ANKRD11: variants seen among roughly 807,000 people sequenced by gnomAD.
ANKRD11 encodes the protein ankyrin repeat domain-containing protein 11.
Under a neutral mutation model 195.7 loss-of-function variants are expected in ANKRD11, and 17 were observed. The ratio of observed to expected loss-of-function variants is 0.09; its 90% confidence interval spans 0.06 to 0.13. The LOEUF is 0.13. ANKRD11 is among the 10% of genes least tolerant of loss of function. ANKRD11 has a pLI of 1.00. For synonymous variants in ANKRD11, 1,953 were observed against 1,528.1 expected (o/e 1.28, Z -6.49); for missense variants, 3,735 against 3,566.1 (o/e 1.05, Z -1.21).
chr16:89,323,362 C>A (rs1483768864), intron 2 of ANKRD11: 7 of 1,287,028 alleles, frequency 5.4e-6, no homozygotes, highest in Non-Finnish European at 7.1e-6. Context: ...ACTGGCCTCT[C>A]ACCTCTCACC....
At chr16:89,352,200 T>C (rs1188123930) in intron 2 of ANKRD11, among the ~76,000 whole-genome samples, 1 of 152,052 alleles carries the variant, frequency 6.6e-6, no homozygotes, top group Non-Finnish European at 1.5e-5. Flanking sequence ...GATTATCTTC[T>C]TTGAAAAGCA....
Position 89,474,618 on chromosome 16 carries a change from T to C in ANKRD11, c.-145+15627A>G, listed in dbSNP as rs2057195691. ...ACTCTTCAGAACTCCAAATGCTCTT[T>C]CCAACCTACCACCAACACACATGAT... On this transcript the variant is annotated intron_variant, in intron 1 of 12. Transcript: ENST00000301030. Among the ~76,000 whole-genome samples the C allele has an allele frequency of 3.3e-5, 5 of 152,152 alleles. No homozygotes were observed. The South Asian group carries it at 1.0e-3, about 31-fold the overall frequency.
At chr16:89,360,406 C>A (rs1416701666) in intron 2 of ANKRD11, 1 of 152,180 alleles carries the variant, frequency 6.6e-6, no homozygotes, top group Non-Finnish European at 1.5e-5. Flanking sequence ...TTTCCATCTT[C>A]ATCACTTGAT....
chr16:89,304,086 C>T (rs539787765), intron 4 of ANKRD11, among the ~76,000 whole-genome samples: 1 of 152,342 alleles, frequency 6.6e-6, no homozygotes, highest in Non-Finnish European at 1.5e-5. Flanking sequence ...TGTAGAGAAG[C>T]TGGATGACCA....
chr16:89,318,443 C>T (rs2037097552), intron 2 of ANKRD11, among the ~76,000 whole-genome samples: 1 of 152,264 alleles, frequency 6.6e-6, no homozygotes, highest in Non-Finnish European at 1.5e-5. Flanking sequence ...GCCCTTTCCG[C>T]CACAGCAGCA....
intron 4 of ANKRD11, among the ~76,000 whole-genome samples, chr16:89,304,589 T>C (rs997780993): frequency 5.4e-5 from 7 of 129,140 alleles, no homozygotes; most frequent in African/African-American, 2.1e-4. Flanking sequence ...TACAAGTACA[T>C]ACACACACGG....
At chr16:89,425,469 A>C (rs889477254) in intron 1 of ANKRD11, among the ~76,000 whole-genome samples, 3 of 152,216 alleles carry the variant, frequency 2.0e-5, no homozygotes, top group African/African-American at 7.2e-5. Flanking sequence ...TTTAGTTCTC[A>C]ATCAAAAAAA....
intron 1 of ANKRD11, among the ~76,000 whole-genome samples, chr16:89,453,913 C>G (rs944331149): frequency 1.3e-5 from 2 of 152,174 alleles, no homozygotes; most frequent in Admixed American, 1.3e-4. Flanking sequence ...GGCAAGTGGC[C>G]CAACTTCCTT....
chr16:89,428,088 A>G (rs763689918), intron 1 of ANKRD11, among the ~76,000 whole-genome samples: 1 of 151,150 alleles, frequency 6.6e-6, no homozygotes, highest in Admixed American at 6.6e-5. Context: ...CGCGCCTGTA[A>G]TCCCAGCTAC....
chr16:89,388,110 G>A (rs2041005737), intron 2 of ANKRD11, among the ~76,000 whole-genome samples: 1 of 151,730 alleles, frequency 6.6e-6, no homozygotes, highest in African/African-American at 2.4e-5. Context: ...TCCCTGTACA[G>A]CCTTACCCAG....
chr16:89,419,700 C>T (rs965567250), intron 1 of ANKRD11, among the ~76,000 whole-genome samples: 1 of 152,208 alleles, frequency 6.6e-6, no homozygotes, highest in Non-Finnish European at 1.5e-5. Context: ...GGTTCCCCGG[C>T]TCTGCACTTA....
chr16:89,384,719 A>C (rs2040820215), intron 2 of ANKRD11, among the ~76,000 whole-genome samples: 1 of 152,044 alleles, frequency 6.6e-6, no homozygotes, highest in Non-Finnish European at 1.5e-5. Flanking sequence ...CTTTTACCTC[A>C]ATCAGGTGGC....
At chr16:89,428,133 A>G (rs906329496) in intron 1 of ANKRD11, among the ~76,000 whole-genome samples, 4 of 152,016 alleles carry the variant, frequency 2.6e-5, no homozygotes, top group Non-Finnish European at 5.9e-5. Context: ...ACTTGAACCC[A>G]GGAGGCAGAG....
At chr16:89,299,402 GC>G in intron 4 of ANKRD11, 1 of 176,136 alleles carries the variant, frequency 5.7e-6, no homozygotes, top group South Asian at 7.2e-5. Flanking sequence ...TGGGGTCTGT[GC>G]CCTGTGTGGG....
intron 1 of ANKRD11, among the ~76,000 whole-genome samples, chr16:89,455,235 C>A (rs892984721): frequency 6.4e-4 from 94 of 146,766 alleles, no homozygotes; most frequent in Non-Finnish European, 1.3e-3. Flanking sequence ...TCAAGCTGCT[C>A]CCCTGGGTGC....
intron 9 of ANKRD11, chr16:89,277,725 G>T (rs1264840931): frequency 6.6e-6 from 1 of 152,332 alleles, no homozygotes; most frequent in Non-Finnish European, 1.5e-5. Context: ...CGTGCTCCCT[G>T]GGAGCAGAGC....
chr16:89,371,124 GGACGAGCGTCTT>G (rs2040174071), intron 2 of ANKRD11, among the ~76,000 whole-genome samples: 1 of 152,148 alleles, frequency 6.6e-6, no homozygotes, highest in African/African-American at 2.4e-5. Flanking sequence ...GGGGAAGACG[GGACGAGCGTCTT>G]GACTTTCAGG....
In ANKRD11 at chr16:89,280,434, G is replaced by A. The variant is rs752834526; in HGVS notation, c.6108C>T (p.Asp2036=). ...GGACGGCGTCCACTCCGTCCTTGAC[G>A]TCCTCCAGCCCCGGCTCAGCGACGG... ...ALPVAEPGLE[D]VKDGVDAVPA... Residue 2036 remains aspartate, a synonymous_variant, in exon 9 of 13, where the codon GAC becomes GAT. Coordinates refer to ENST00000301030, the MANE Select transcript of ANKRD11 (RefSeq NM_013275.6). 6 of 1,580,466 alleles carry A rather than the reference G, an allele frequency of 3.8e-6. No individual in the cohort carries two copies. Among genetic ancestry groups the A allele is most frequent in the East Asian group, 4.5e-5 (2 of 44,198 alleles).
At chr16:89,358,404 C>T (rs544821656) in intron 2 of ANKRD11, among the ~76,000 whole-genome samples, 44 of 152,322 alleles carry the variant, frequency 2.9e-4, no homozygotes, top group Non-Finnish European at 5.6e-4. Flanking sequence ...TTCAAAGAGC[C>T]ACGTGGATAA....
Sources: allele counts gnomAD v4.1 joint callset (sites outside exome capture counted in the v4.1 genomes callset), GRCh38; gene constraint gnomAD v4.1.1; transcripts MANE v1.5; gene names NCBI Gene and HGNC (gene_info 2026-07-23, HGNC 2026-07-21).